ALK: variants seen among roughly 807,000 people sequenced by gnomAD.
The protein encoded by ALK is ALK receptor tyrosine kinase, also known as ALK tyrosine kinase receptor.
Under a neutral mutation model 163.1 loss-of-function variants are expected in ALK, and 74 were observed. The observed-to-expected ratio is 0.45, with a 90% confidence interval of 0.38 to 0.55. ALK has a LOEUF of 0.55. ALK is among the 20% of genes least tolerant of loss of function. The pLI is 0.00. For missense variants in ALK, 2,063 were observed against 2,105.3 expected (o/e 0.98, Z 0.39); for synonymous variants, 960 against 843.2 (o/e 1.14, Z -2.40).
chr2:29,251,014 G>A, intron 12 of ALK, 91 bp downstream of exon 12: 1 of 1,380,972 alleles, frequency 7.2e-7, no homozygotes, highest in South Asian at 1.4e-5. Context: ...TGACATGCCT[G>A]GGCACCCCAG....
chr2:29,274,605 T>A (rs1389112257), intron 11 of ALK, among the ~76,000 whole-genome samples: 1 of 152,210 alleles, frequency 6.6e-6, no homozygotes, highest in African/African-American at 2.4e-5. Flanking sequence ...TGGCTTGGGG[T>A]ATGCTGAATA....
intron 4 of ALK, among the ~76,000 whole-genome samples, chr2:29,498,897 C>T (rs1023929887): frequency 7.2e-5 from 11 of 152,206 alleles, no homozygotes; most frequent in Middle Eastern, 3.4e-3. Flanking sequence ...AAGCCAAGGA[C>T]GCAGATTCAC....
chr2:29,291,429 T>C (rs1042012991), intron 9 of ALK, among the ~76,000 whole-genome samples: 2 of 152,132 alleles, frequency 1.3e-5, no homozygotes, highest in Non-Finnish European at 2.9e-5. Flanking sequence ...TTCTGCTACA[T>C]GCCAAGCCCC....
At chr2:29,389,272 A>G (rs1022663750) in intron 4 of ALK, among the ~76,000 whole-genome samples, 4 of 152,222 alleles carry the variant, frequency 2.6e-5, no homozygotes, top group African/African-American at 9.6e-5. Flanking sequence ...TGTAGGCACC[A>G]TATGCTATTA....
intron 2 of ALK, among the ~76,000 whole-genome samples, chr2:29,700,810 C>A (rs898449436): frequency 6.6e-6 from 1 of 152,158 alleles, no homozygotes; most frequent in African/African-American, 2.4e-5. Flanking sequence ...ACGGTGGTGA[C>A]CCTGCCCAAA....
chr2:29,799,505 CAAAA>C (rs1293874408), intron 1 of ALK, among the ~76,000 whole-genome samples: 3 of 145,216 alleles, frequency 2.1e-5, no homozygotes, highest in South Asian at 4.5e-4. Flanking sequence ...TGTCTCAAAA[CAAAA>C]CAAACAAACA....
At chr2:29,516,461 C>T (rs1272137265) in intron 4 of ALK, among the ~76,000 whole-genome samples, 1 of 152,188 alleles carries the variant, frequency 6.6e-6, no homozygotes, top group Non-Finnish European at 1.5e-5. Context: ...AGATGCTGTT[C>T]CATCTGGTAC....
chr2:29,876,936 A>G lies in ALK; in HGVS notation c.667+43057T>C, dbSNP rs1395523350. Among the ~76,000 whole-genome samples, 6 of 152,092 alleles carry G rather than the reference A, an allele frequency of 3.9e-5. 1 individual carries two copies. Among genetic ancestry groups the G allele is most frequent in the Admixed American group, 1.3e-4 (2 of 15,262 alleles). On this transcript the variant is annotated intron_variant, in intron 1 of 28. Coordinates refer to ENST00000389048, the MANE Select transcript of ALK (RefSeq NM_004304.5). ...CTGTCCCACCAGTTTTTTCTTGTCC[A>G]TCCTTCCATCTTTCTTAGCTTCCTT...
intron 1 of ALK, among the ~76,000 whole-genome samples, chr2:29,908,148 G>T (rs533724523): frequency 6.6e-6 from 1 of 152,196 alleles, no homozygotes; most frequent in East Asian, 1.9e-4. Flanking sequence ...CCCTACTCAA[G>T]ACCTAAATAG....
At chr2:29,455,191 T>A (rs1054505329) in intron 4 of ALK, among the ~76,000 whole-genome samples, 1 of 152,062 alleles carries the variant, frequency 6.6e-6, no homozygotes, top group African/African-American at 2.4e-5. Context: ...TTTCACAAGG[T>A]GTGGCAGCAG....
chr2:29,679,299 A>T (rs1677990211), intron 3 of ALK, among the ~76,000 whole-genome samples: 1 of 151,474 alleles, frequency 6.6e-6, no homozygotes, highest in Non-Finnish European at 1.5e-5. Flanking sequence ...CTTCCTTTTT[A>T]TGTAGTCTGA....
chr2:29,610,281 G>T (rs1051452393), intron 3 of ALK, among the ~76,000 whole-genome samples: 4 of 152,172 alleles, frequency 2.6e-5, no homozygotes, highest in African/African-American at 9.7e-5. Flanking sequence ...ATGACTTGCT[G>T]TTGGCTCAGT....
At chr2:29,698,665 A>C (rs1678643510) in intron 2 of ALK, among the ~76,000 whole-genome samples, 1 of 152,210 alleles carries the variant, frequency 6.6e-6, no homozygotes, top group African/African-American at 2.4e-5. Context: ...AGCACCGAGC[A>C]TATTAATTCT....
chr2:29,840,897 TA>T lies in ALK; in HGVS notation c.667+79095del, dbSNP rs576011513. ...GAGACTTGGTGAAGTGATTTGCTATTAAATAAAGTCAAGATTTCAATCTAAG... is the reference window on the plus strand; with the variant it reads ...GAGACTTGGTGAAGTGATTTGCTATTAATAAAGTCAAGATTTCAATCTAAG... On this transcript the variant is annotated intron_variant, in intron 1 of 28. Coordinates refer to ENST00000389048, the MANE Select transcript of ALK (RefSeq NM_004304.5). Among the ~76,000 whole-genome samples the T allele has an allele frequency of 1.5e-3, 231 of 152,332 alleles. 2 individuals carry two copies. Among genetic ancestry groups the T allele is most frequent in the African/African-American group, 5.5e-3 (227 of 41,584 alleles).
chr2:29,778,538 T>C (rs1347658239), intron 1 of ALK, among the ~76,000 whole-genome samples: 7 of 152,140 alleles, frequency 4.6e-5, no homozygotes, highest in Non-Finnish European at 4.4e-5. Flanking sequence ...TGTATGTGTG[T>C]GTACATACAT....
chr2:29,695,675 A>C (rs750590734), intron 2 of ALK, among the ~76,000 whole-genome samples: 15 of 152,210 alleles, frequency 9.9e-5, no homozygotes, highest in Non-Finnish European at 8.8e-5. Context: ...CAGAAAAAAA[A>C]CAAACAACCC....
At chr2:29,657,662 G>A (rs1329594511) in intron 3 of ALK, among the ~76,000 whole-genome samples, 1 of 152,128 alleles carries the variant, frequency 6.6e-6, no homozygotes, top group African/African-American at 2.4e-5. Context: ...AAGAGACCTT[G>A]AAGAAGGGAT....
rs544926207 is a variant in ALK at position 29,193,780 on chromosome 2, C to T, written c.4307G>A (p.Arg1436His). The change falls in exon 29 of 29, where the codon CGC (arginine) becomes CAC (histidine). Residue 1436 changes from arginine (R) to histidine (H), a missense_variant. By Grantham distance (29) the Arg-to-His change is conservative. Coordinates refer to ENST00000389048, the MANE Select transcript of ALK (RefSeq NM_004304.5). ...VSQQAKREEE[R>H]SPAAPPPLPT... Reference sequence around the variant, plus strand: ...CAGAGGTGGTGGGGCAGCTGGGCTGCGCTCCTCCTCCCGTTTTGCCTGTTG... The same window carrying T: ...CAGAGGTGGTGGGGCAGCTGGGCTGTGCTCCTCCTCCCGTTTTGCCTGTTG... 1.7e-5 allele frequency: 27 copies of T among 1,593,042 alleles called. No homozygotes were observed. The highest frequency in any genetic ancestry group is 1.6e-4 in the East Asian group (7 of 44,670).
chr2:29,361,799 C>T (rs1051735857), intron 5 of ALK, among the ~76,000 whole-genome samples: 2 of 152,166 alleles, frequency 1.3e-5, no homozygotes, highest in Non-Finnish European at 2.9e-5. Flanking sequence ...TATCTACAAC[C>T]GCTATCTGGT....
Sources: allele counts gnomAD v4.1 joint callset (sites outside exome capture counted in the v4.1 genomes callset), GRCh38; gene constraint gnomAD v4.1.1; transcripts MANE v1.5; gene names NCBI Gene and HGNC (gene_info 2026-07-23, HGNC 2026-07-21).